CDH13: variants seen among roughly 807,000 people sequenced by gnomAD.
CDH13 encodes cadherin-13.
A neutral mutation model predicts 63.8 loss-of-function variants in CDH13; 24 were observed. That is an observed-to-expected ratio of 0.38 (90% CI 0.27 to 0.53). CDH13 has a LOEUF of 0.53. Ranked by LOEUF, CDH13 falls within the 20% of genes least tolerant of loss-of-function variation. CDH13 has a pLI of 0.85. For synonymous variants in CDH13, 503 were observed against 355.3 expected, an observed-to-expected ratio of 1.42 and a Z score of -4.67; for missense variants, 1,049 against 903.1, an observed-to-expected ratio of 1.16 and a Z score of -2.07.
chr16:83,205,654 G>T (rs1280563939), intron 4 of CDH13, among the ~76,000 whole-genome samples: 1 of 150,226 alleles, frequency 6.7e-6, no homozygotes, highest in Non-Finnish European at 1.5e-5. Flanking sequence ...TGCCAGGCTG[G>T]AGTGCAGTGA....
At chr16:82,926,507 C>T (rs2042308208) in intron 2 of CDH13, among the ~76,000 whole-genome samples, 1 of 152,110 alleles carries the variant, frequency 6.6e-6, no homozygotes, top group Non-Finnish European at 1.5e-5. Context: ...TAATGATGTC[C>T]CCACTTTCTT....
chr16:83,522,640 G>C (rs894862001), intron 7 of CDH13, among the ~76,000 whole-genome samples: 1 of 152,164 alleles, frequency 6.6e-6, no homozygotes, highest in African/African-American at 2.4e-5. Context: ...GAGCGCAGTG[G>C]GTTCTTAAAC....
At chr16:83,216,289 T>C (rs2039506138) in intron 4 of CDH13, among the ~76,000 whole-genome samples, 1 of 150,262 alleles carries the variant, frequency 6.7e-6, no homozygotes, top group Non-Finnish European at 1.5e-5. Context: ...TCTGAACCCA[T>C]TTTTATCTCT....
chr16:83,382,824 C>G (rs1004937157), intron 6 of CDH13, among the ~76,000 whole-genome samples: 7 of 152,182 alleles, frequency 4.6e-5, no homozygotes, highest in African/African-American at 9.7e-5. Flanking sequence ...CTGGAGCTGA[C>G]TTTGCACTCC....
intron 6 of CDH13, among the ~76,000 whole-genome samples, chr16:83,445,058 G>C (rs547667244): frequency 2.8e-4 from 43 of 152,184 alleles, no homozygotes; most frequent in Non-Finnish European, 5.4e-4. Flanking sequence ...TTGCCTTTCA[G>C]GGATTATTTA....
intron 6 of CDH13, among the ~76,000 whole-genome samples, chr16:83,483,330 TAAA>T (rs1370015838): frequency 6.6e-6 from 1 of 152,154 alleles, no homozygotes; most frequent in Non-Finnish European, 1.5e-5. Context: ...TCCATTAAAA[TAAA>T]AACCATTTTC....
intron 6 of CDH13, among the ~76,000 whole-genome samples, chr16:83,480,225 A>C (rs1567700753): frequency 6.6e-6 from 1 of 152,128 alleles, no homozygotes; most frequent in Admixed American, 6.5e-5. Flanking sequence ...CTGAGGTGGG[A>C]GGATCACTTG....
intron 4 of CDH13, among the ~76,000 whole-genome samples, chr16:83,142,431 C>G (rs191315856): frequency 1.2e-4 from 18 of 152,218 alleles, no homozygotes; most frequent in Non-Finnish European, 2.6e-4. Context: ...GCTTAGATGA[C>G]AGGTGTGAGC....
At chr16:82,640,631 G>A (rs2150886494) in intron 1 of CDH13, among the ~76,000 whole-genome samples, 1 of 152,302 alleles carries the variant, frequency 6.6e-6, no homozygotes, top group South Asian at 2.1e-4. Flanking sequence ...ACCAGTAGCT[G>A]CCTTACCAGT....
intron 3 of CDH13, among the ~76,000 whole-genome samples, chr16:83,122,856 C>T (rs2035646164): frequency 6.6e-6 from 1 of 152,032 alleles, no homozygotes; most frequent in Non-Finnish European, 1.5e-5. Context: ...GAAGTGTGGC[C>T]TTTTAGTGAA....
At chr16:82,637,597 A>AT (rs34337263) in intron 1 of CDH13, 66,461 of 144,348 alleles carry the variant, frequency 0.46, 16,148 homozygotes, top group Middle Eastern at 0.57. Flanking sequence ...CGCCCGGCTA[A>AT]TTTTTTTTTT....
At chr16:83,746,640 G>T (rs910442617) in intron 10 of CDH13, among the ~76,000 whole-genome samples, 1 of 151,894 alleles carries the variant, frequency 6.6e-6, no homozygotes, top group East Asian at 1.9e-4. Context: ...GCCATACAAG[G>T]CAGAGAAAAT....
intron 10 of CDH13, among the ~76,000 whole-genome samples, chr16:83,720,538 T>A (rs1242970609): frequency 3.3e-5 from 5 of 151,674 alleles, no homozygotes; most frequent in African/African-American, 4.8e-5. Context: ...AGCGTAGGAG[T>A]TCGAGGACAG....
chr16:83,512,356 AT>A (rs1683638251), intron 7 of CDH13, among the ~76,000 whole-genome samples: 1 of 144,836 alleles, frequency 6.9e-6, no homozygotes, highest in African/African-American at 2.5e-5. Context: ...AAATAAATAA[AT>A]AAATAAATAA....
intron 2 of CDH13, among the ~76,000 whole-genome samples, chr16:82,889,635 T>C (rs1299731220): frequency 6.6e-6 from 1 of 152,228 alleles, no homozygotes; most frequent in Non-Finnish European, 1.5e-5. Flanking sequence ...TGCATCTATA[T>C]CTTTGTGATT....
intron 2 of CDH13, among the ~76,000 whole-genome samples, chr16:82,943,159 C>T (rs922658186): frequency 6.6e-6 from 1 of 152,172 alleles, no homozygotes; most frequent in African/African-American, 2.4e-5. Context: ...CAATTATTGT[C>T]ATCTCCCACT....
intron 2 of CDH13, among the ~76,000 whole-genome samples, chr16:82,861,862 C>G (rs1397021097): frequency 6.6e-6 from 1 of 152,232 alleles, no homozygotes; most frequent in Non-Finnish European, 1.5e-5. Flanking sequence ...GGGCTCTTCA[C>G]TGCATCTTTC....
chr16:83,241,747 A>T (rs532807253), intron 5 of CDH13, among the ~76,000 whole-genome samples: 2 of 152,268 alleles, frequency 1.3e-5, no homozygotes, highest in African/African-American at 4.8e-5. Context: ...CCCTTATCCG[A>T]TATATGTCTT....
At chr16:82,956,347 C>G (rs185271095) in intron 2 of CDH13, among the ~76,000 whole-genome samples, 11 of 151,056 alleles carry the variant, frequency 7.3e-5, no homozygotes, top group Non-Finnish European at 4.4e-5. Flanking sequence ...ATTCCTAATT[C>G]TAGTCTTTAA....
Sources: allele counts gnomAD v4.1 joint callset (sites outside exome capture counted in the v4.1 genomes callset), GRCh38; gene constraint gnomAD v4.1.1; transcripts MANE v1.5; gene names NCBI Gene and HGNC (gene_info 2026-07-23, HGNC 2026-07-21).